The following TAFA5 variants were observed in gnomAD, a reference collection of about 807,000 sequenced individuals.
TAFA5 encodes the protein TAFA chemokine like family member 5, also known as chemokine-like protein TAFA-5.
A neutral mutation model predicts 15.3 loss-of-function variants in TAFA5; 6 were observed. The observed-to-expected ratio is 0.39, with a 90% confidence interval of 0.21 to 0.77. The LOEUF (loss-of-function observed/expected upper bound fraction) is 0.77. Among genes scored for constraint, TAFA5 ranks in the 30% least tolerant of loss-of-function variants. The pLI, the probability that TAFA5 is intolerant of heterozygous loss-of-function variation, is 0.41. For synonymous variants in TAFA5, 103 were observed against 80.7 expected, an observed-to-expected ratio of 1.28 and a Z score of -1.48; for missense variants, 161 against 193.1, an observed-to-expected ratio of 0.83 and a Z score of 0.98.
chr22:48,563,650 C>G (rs1446498694), intron 1 of TAFA5, among the ~76,000 whole-genome samples: 1 of 152,196 alleles, frequency 6.6e-6, no homozygotes, highest in Non-Finnish European at 1.5e-5. Flanking sequence ...CTCTGCACCC[C>G]AACAGGCTGG....
intron 1 of TAFA5, among the ~76,000 whole-genome samples, chr22:48,568,249 CT>C (rs1295464422): frequency 6.6e-6 from 1 of 152,252 alleles, no homozygotes; most frequent in Non-Finnish European, 1.5e-5. Flanking sequence ...TCCATCTTCT[CT>C]TTTTTCCTCT....
Position 48,711,011 on chromosome 22 carries a change from C to T in TAFA5, c.390+3167C>T, listed in dbSNP as rs1234025302. 2.0e-5 allele frequency among the ~76,000 whole-genome samples: 3 copies of T among 152,144 alleles called. No individual in the cohort carries two copies. The East Asian group carries it at 5.8e-4, about 29-fold the overall frequency. On this transcript the variant is annotated intron_variant, in intron 3 of 3. Coordinates refer to ENST00000402357, the MANE Select transcript of TAFA5 (RefSeq NM_001082967.3). ...GTGAGACCCCAAGTGGCTTTCAGCT[C>T]GGGAGACTCAGATACTCTGATCTTC...
At chr22:48,707,958 A>T in intron 3 of TAFA5, 114 bp downstream of exon 3, 1 of 1,388,122 alleles carries the variant, frequency 7.2e-7, no homozygotes, top group Non-Finnish European at 9.8e-7. Context: ...CTCCATCCTC[A>T]TGCAGAGAGG....
intron 2 of TAFA5, among the ~76,000 whole-genome samples, chr22:48,698,799 G>A (rs566834510): frequency 3.0e-5 from 3 of 98,408 alleles, no homozygotes; most frequent in South Asian, 5.6e-4. Context: ...GGCCCCGTGC[G>A]TGGCCGGGGC....
At chr22:48,638,543 G>C (rs1351346498) in intron 1 of TAFA5, among the ~76,000 whole-genome samples, 7 of 126,412 alleles carry the variant, frequency 5.5e-5, no homozygotes, top group African/African-American at 2.2e-4. Flanking sequence ...TAAGCCCTGG[G>C]ACACCACACA....
intron 1 of TAFA5, among the ~76,000 whole-genome samples, chr22:48,622,905 C>T (rs931567115): frequency 6.6e-6 from 1 of 152,222 alleles, no homozygotes; most frequent in South Asian, 2.1e-4. Context: ...TGGGACTGCC[C>T]GTGACAGCCA....
chr22:48,744,646 G>C (rs929474051), intron 3 of TAFA5, among the ~76,000 whole-genome samples: 1 of 152,184 alleles, frequency 6.6e-6, no homozygotes, highest in Non-Finnish European at 1.5e-5. Context: ...GTGCTCTTCC[G>C]GCGACACGGT....
intron 1 of TAFA5, among the ~76,000 whole-genome samples, chr22:48,593,071 C>T (rs1924630858): frequency 6.6e-6 from 1 of 152,178 alleles, no homozygotes; most frequent in Non-Finnish European, 1.5e-5. Flanking sequence ...GAGATGTCCT[C>T]CGGGAATCCC....
At chr22:48,690,536 C>T (rs1928507215) in intron 2 of TAFA5, among the ~76,000 whole-genome samples, 1 of 152,164 alleles carries the variant, frequency 6.6e-6, no homozygotes, top group Non-Finnish European at 1.5e-5. Flanking sequence ...AGCCCATCGC[C>T]AGGGCCAGGG....
At chr22:48,505,437 G>A (rs6008744) in intron 1 of TAFA5, among the ~76,000 whole-genome samples, 5,952 of 152,290 alleles carry the variant, frequency 0.039, 376 homozygotes, top group African/African-American at 0.13. Flanking sequence ...AAGATACAGA[G>A]GGTCTCAGAG....
chr22:48,690,355 A>G (rs5771957), intron 2 of TAFA5, among the ~76,000 whole-genome samples: 86,778 of 151,958 alleles, frequency 0.57, 24,995 homozygotes, highest in Middle Eastern at 0.61. Context: ...GGCAGGTGTG[A>G]GGGCCGGGGC....
At chr22:48,617,145 G>A (rs1182909165) in intron 1 of TAFA5, among the ~76,000 whole-genome samples, 1 of 152,182 alleles carries the variant, frequency 6.6e-6, no homozygotes, top group South Asian at 2.1e-4. Flanking sequence ...AGGCAAGAGG[G>A]TCTTGCAGAT....
chr22:48,597,428 T>C (rs1924807666), intron 1 of TAFA5, among the ~76,000 whole-genome samples: 1 of 149,700 alleles, frequency 6.7e-6, no homozygotes, highest in African/African-American at 2.5e-5. Context: ...CTGGCTCACA[T>C]GCAGAGTGTC....
intron 3 of TAFA5, among the ~76,000 whole-genome samples, chr22:48,722,952 G>A (rs567236484): frequency 2.2e-4 from 34 of 152,318 alleles, no homozygotes; most frequent in Non-Finnish European, 4.1e-4. Flanking sequence ...AGGCTTCTAT[G>A]GACTTGCAGG....
At chr22:48,654,626 C>T (rs956686328) in intron 2 of TAFA5, among the ~76,000 whole-genome samples, 3 of 152,262 alleles carry the variant, frequency 2.0e-5, no homozygotes, top group Non-Finnish European at 4.4e-5. Context: ...CCGGCACTGA[C>T]TTTCCCATCC....
At chr22:48,504,389 C>T (rs1164457862) in intron 1 of TAFA5, among the ~76,000 whole-genome samples, 9 of 152,214 alleles carry the variant, frequency 5.9e-5, no homozygotes, top group East Asian at 1.9e-4. Flanking sequence ...GAAAGACTTC[C>T]GGGGGCTGGG....
At chr22:48,626,747 A>G (rs1192262851) in intron 1 of TAFA5, among the ~76,000 whole-genome samples, 1 of 152,246 alleles carries the variant, frequency 6.6e-6, no homozygotes, top group East Asian at 1.9e-4. Context: ...ATGCTTATCT[A>G]AAAGCTCATC....
intron 3 of TAFA5, among the ~76,000 whole-genome samples, chr22:48,710,331 T>C (rs2147253208): frequency 6.6e-6 from 1 of 152,260 alleles, no homozygotes; most frequent in Admixed American, 6.5e-5. Flanking sequence ...GACAGCTTCA[T>C]GGTGTTTTCC....
chr22:48,646,213 C>T (rs1463787058), intron 1 of TAFA5, among the ~76,000 whole-genome samples: 1 of 152,170 alleles, frequency 6.6e-6, no homozygotes, highest in Non-Finnish European at 1.5e-5. Context: ...AAGCACTGTG[C>T]CTCGTACAGC....
Sources: allele counts gnomAD v4.1 joint callset (sites outside exome capture counted in the v4.1 genomes callset), GRCh38; gene constraint gnomAD v4.1.1; transcripts MANE v1.5; gene names NCBI Gene and HGNC (gene_info 2026-07-23, HGNC 2026-07-21).